The following SOX6 variants were observed in gnomAD, a reference collection of about 807,000 sequenced individuals.
SOX6 encodes the protein SRY-box transcription factor 6.
In SOX6, 11 loss-of-function variants were observed where a neutral mutation model predicts 97.8. The observed-to-expected ratio is 0.11, with a 90% CI of 0.07 to 0.19. The LOEUF is 0.19. Among genes scored for constraint, SOX6 ranks in the 10% least tolerant of loss-of-function variants. SOX6 has a pLI of 1.00. For missense variants in SOX6, 810 were observed against 1,039.5 expected (o/e 0.78, Z 3.04); for synonymous variants, 360 against 371.4 (o/e 0.97, Z 0.35).
intron 3 of SOX6, among the ~76,000 whole-genome samples, chr11:16,642,308 A>T (rs11024007): frequency 0.27 from 40,509 of 151,764 alleles, 6,076 homozygotes; most frequent in East Asian, 0.53. Flanking sequence ...CTTTGTGGGT[A>T]ACCCAGGGTA....
intron 4 of SOX6, among the ~76,000 whole-genome samples, chr11:16,556,306 A>G (rs1379444973): frequency 6.6e-6 from 1 of 151,762 alleles, no homozygotes; most frequent in African/African-American, 2.4e-5. Flanking sequence ...AATAAAATAA[A>G]TGGAAATATG....
intron 4 of SOX6, among the ~76,000 whole-genome samples, chr11:16,586,169 G>T (rs1446429708): frequency 6.6e-6 from 1 of 152,088 alleles, no homozygotes; most frequent in Admixed American, 6.5e-5. Context: ...CTTAATGGCT[G>T]CTCACTGTCT....
chr11:16,062,142 A>C (rs190273951), intron 9 of SOX6, among the ~76,000 whole-genome samples: 23 of 151,574 alleles, frequency 1.5e-4, no homozygotes, highest in African/African-American at 5.5e-4. Flanking sequence ...AAATGGCCTT[A>C]AAATTTTCTA....
intron 3 of SOX6, among the ~76,000 whole-genome samples, chr11:16,287,044 G>A (rs756391005): frequency 1.9e-4 from 29 of 151,848 alleles, no homozygotes; most frequent in Middle Eastern, 3.4e-3. Context: ...TTTTTTCAAA[G>A]CAACATGAAA....
At chr11:16,101,740 A>C (rs1367164717) in intron 7 of SOX6, among the ~76,000 whole-genome samples, 2 of 151,858 alleles carry the variant, frequency 1.3e-5, no homozygotes. Flanking sequence ...AAATCAATAC[A>C]CATGATACAC....
chr11:16,258,261 G>A (rs1426069181), intron 3 of SOX6, among the ~76,000 whole-genome samples: 2 of 152,072 alleles, frequency 1.3e-5, no homozygotes, highest in East Asian at 1.9e-4. Flanking sequence ...ACACAGAAAT[G>A]TTTATAGCAG....
intron 4 of SOX6, among the ~76,000 whole-genome samples, chr11:16,611,462 G>A (rs1472981415): frequency 6.6e-6 from 1 of 152,196 alleles, no homozygotes; most frequent in Non-Finnish European, 1.5e-5. Context: ...TTACTGAAAC[G>A]AAGGATAAAT....
chr11:16,253,986 T>C (rs1853601145), intron 3 of SOX6, among the ~76,000 whole-genome samples: 1 of 151,764 alleles, frequency 6.6e-6, no homozygotes, highest in South Asian at 2.1e-4. Context: ...GTTGAGGAAG[T>C]GGGTGGAAAA....
intron 4 of SOX6, among the ~76,000 whole-genome samples, chr11:16,220,898 C>T (rs1427825018): frequency 6.6e-6 from 1 of 151,940 alleles, no homozygotes; most frequent in Non-Finnish European, 1.5e-5. Context: ...ATGTCACAGG[C>T]GCAGATCCAG....
At chr11:16,374,036 T>C (rs1225768485) in intron 1 of SOX6, among the ~76,000 whole-genome samples, 1 of 152,108 alleles carries the variant, frequency 6.6e-6, no homozygotes, top group Non-Finnish European at 1.5e-5. Flanking sequence ...GACCCATCTT[T>C]AACTCAATAC....
chr11:16,079,824 G>A (rs893397924), intron 9 of SOX6, among the ~76,000 whole-genome samples: 18 of 149,458 alleles, frequency 1.2e-4, no homozygotes, highest in African/African-American at 4.1e-4. Flanking sequence ...TTTGCAGCAC[G>A]TAAATATGCC....
At chr11:16,083,299 A>G (rs1848512745) in intron 9 of SOX6, among the ~76,000 whole-genome samples, 1 of 152,182 alleles carries the variant, frequency 6.6e-6, no homozygotes, top group African/African-American at 2.4e-5. Context: ...GTAGGCACTT[A>G]ATAAACATTT....
intron 3 of SOX6, among the ~76,000 whole-genome samples, chr11:16,707,961 T>C (rs1848150107): frequency 6.6e-6 from 1 of 152,132 alleles, no homozygotes; most frequent in African/African-American, 2.4e-5. Context: ...ATTAAGTCTC[T>C]GTCTATAATA....
intron 1 of SOX6, among the ~76,000 whole-genome samples, chr11:16,448,194 A>G (rs1209877690): frequency 6.6e-6 from 1 of 152,226 alleles, no homozygotes; most frequent in African/African-American, 2.4e-5. Context: ...GCATGAAGTC[A>G]GCTGAGTTTT....
At chr11:16,284,312 A>G (rs931520990) in intron 3 of SOX6, among the ~76,000 whole-genome samples, 6 of 152,114 alleles carry the variant, frequency 3.9e-5, no homozygotes, top group Admixed American at 6.6e-5. Context: ...TGCAAATGTT[A>G]TTGTCATTTG....
At chr11:16,386,604 T>C (rs1229100274) in intron 1 of SOX6, among the ~76,000 whole-genome samples, 1 of 152,096 alleles carries the variant, frequency 6.6e-6, no homozygotes, top group Non-Finnish European at 1.5e-5. Context: ...TCTTCCCTGA[T>C]ATCTGTTCTT....
upstream of SOX6, among the ~76,000 whole-genome samples, chr11:16,480,300 T>C (rs1193192968): frequency 6.6e-6 from 1 of 152,148 alleles, no homozygotes; most frequent in South Asian, 2.1e-4. Context: ...AGGAAGATAT[T>C]TCTAAAATTC....
chr11:16,360,230 A>G (rs1035786343), upstream of SOX6, among the ~76,000 whole-genome samples: 2 of 152,118 alleles, frequency 1.3e-5, no homozygotes, highest in Admixed American at 6.5e-5. Flanking sequence ...GCATCACCAG[A>G]GTTTGGGTGG....
chr11:15,981,827 T>G (rs903233086), intron 15 of SOX6, among the ~76,000 whole-genome samples: 2 of 152,118 alleles, frequency 1.3e-5, no homozygotes, highest in African/African-American at 4.8e-5. Flanking sequence ...ACAGTATTAT[T>G]TTTCTAGAAT....
Sources: gnomAD v4.1 joint callset for allele counts (sites outside exome capture counted in the v4.1 genomes callset) on GRCh38, gnomAD v4.1.1 for gene constraint, MANE v1.5 for transcripts, NCBI Gene and HGNC (gene_info 2026-07-23, HGNC 2026-07-21) for gene names.